The following PTGER4 variants were observed in gnomAD, a reference collection of about 807,000 sequenced individuals.
PTGER4 encodes the protein prostaglandin E receptor 4.
PTGER4 carries 11 observed loss-of-function variants against 33.2 expected under a neutral mutation model. That is an observed-to-expected ratio of 0.33 (90% CI 0.21 to 0.55). The LOEUF (loss-of-function observed/expected upper bound fraction) is 0.55, where lower values mean the gene tolerates loss of function less well. PTGER4 is among the 20% of genes least tolerant of loss of function. The pLI is 0.92. For synonymous variants in PTGER4, 275 were observed against 281.5 expected, an observed-to-expected ratio of 0.98 and a Z score of 0.23; for missense variants, 481 against 650.2, an observed-to-expected ratio of 0.74 and a Z score of 2.83.
chr5:40,704,920 A>G, the PTGER4 span, among the ~76,000 whole-genome samples: 8 of 152,294 alleles, frequency 5.3e-5, no homozygotes, highest in African/African-American at 1.9e-4. Flanking sequence ...TACAGATTCA[A>G]TGCTATTCCT....
the PTGER4 span, among the ~76,000 whole-genome samples, chr5:40,726,160 T>TAC: frequency 5.4e-5 from 8 of 148,170 alleles, no homozygotes; most frequent in South Asian, 2.1e-4. Flanking sequence ...TATATATATA[T>TAC]ACACACACAC....
At chr5:40,689,238 A>G (rs949350696) in intron 2 of PTGER4, among the ~76,000 whole-genome samples, 2 of 152,216 alleles carry the variant, frequency 1.3e-5, no homozygotes, top group African/African-American at 4.8e-5. Context: ...ACAAGTGAAT[A>G]ACAACAAAAC....
chr5:40,742,678 T>A, the PTGER4 span, among the ~76,000 whole-genome samples: 629 of 152,206 alleles, frequency 4.1e-3, 3 homozygotes, highest in African/African-American at 0.015. Context: ...GCCATCCTTG[T>A]GAGATTAAAA....
the PTGER4 span, among the ~76,000 whole-genome samples, chr5:40,736,328 C>A: frequency 1.3e-5 from 2 of 152,158 alleles, no homozygotes; most frequent in Non-Finnish European, 2.9e-5. Context: ...GGTCACACAG[C>A]AAGATCACCC....
At chr5:40,700,934 C>G in the PTGER4 span, among the ~76,000 whole-genome samples, 1 of 152,324 alleles carries the variant, frequency 6.6e-6, no homozygotes, top group South Asian at 2.1e-4. Flanking sequence ...ACCTCACTAA[C>G]ATACCCTGAC....
At chr5:40,738,499 CAATACAATAA>C in the PTGER4 span, among the ~76,000 whole-genome samples, 13 of 80,848 alleles carry the variant, frequency 1.6e-4, no homozygotes, top group African/African-American at 2.9e-4. Flanking sequence ...CAATACAATA[CAATACAATAA>C]AATACAATAA....
rs1030324922 is a variant in PTGER4 at position 40,683,463 on chromosome 5, A to G, written c.867+1603A>G. On this transcript the variant is annotated intron_variant, in intron 2 of 2. Coordinates refer to ENST00000302472, the MANE Select transcript of PTGER4 (RefSeq NM_000958.3). The surrounding 1 kb of genome is among the most constrained non-coding windows in gnomAD (Gnocchi z 4.2). ...AACCTAGAATAAAGTGAGATTTTGGAAGAAACAACACTGCTCCTGATGGGG... is the reference window on the plus strand; with the variant it reads ...AACCTAGAATAAAGTGAGATTTTGGGAGAAACAACACTGCTCCTGATGGGG... Among the ~76,000 whole-genome samples the G allele has an allele frequency of 3.3e-5, 5 of 152,192 alleles. No individual in the cohort carries two copies. Among genetic ancestry groups the G allele is most frequent in the Non-Finnish European group, 2.9e-5 (2 of 68,036 alleles).
intron 2 of PTGER4, among the ~76,000 whole-genome samples, chr5:40,686,786 A>T (rs569753139): frequency 6.6e-6 from 1 of 152,334 alleles, no homozygotes; most frequent in South Asian, 2.1e-4. Context: ...TGGTCCCAGC[A>T]ACTTGGAAGG....
chr5:40,703,291 T>G, the PTGER4 span, among the ~76,000 whole-genome samples: 1 of 150,974 alleles, frequency 6.6e-6, no homozygotes, highest in Non-Finnish European at 1.5e-5. Flanking sequence ...TAAACACAAT[T>G]AGAAATGATG....
intron 2 of PTGER4, among the ~76,000 whole-genome samples, chr5:40,688,813 C>T (rs1046462275): frequency 6.6e-6 from 1 of 152,030 alleles, no homozygotes; most frequent in Non-Finnish European, 1.5e-5. Flanking sequence ...TTTATCCCAG[C>T]GTAGTTTCTA....
Position 40,681,194 on chromosome 5 carries a change from G to A in PTGER4, c.201G>A (p.Leu67=), listed in dbSNP as rs924987100. The change falls in exon 2 of 3, where the codon TTG becomes TTA. Residue 67 remains leucine (L), a synonymous_variant. Transcript: ENST00000302472. The surrounding 1 kb of genome is among the most constrained non-coding windows in gnomAD (Gnocchi z 9.8). ...GTGGGCTGGCTGTCACCGACCTGTT[G>A]GGCACTTTGTTGGTGAGCCCGGTGA... is the stretch of plus-strand genomic sequence containing the variant. ...LVCGLAVTDL[L]GTLLVSPVTI... is the part of the protein sequence containing the mutation. 2.5e-6 allele frequency: 4 copies of A among 1,614,152 alleles called. No homozygotes were observed. The highest frequency in any genetic ancestry group is 3.4e-6 in the Non-Finnish European group (4 of 1,180,042).
At chr5:40,690,963 A>G (rs747465002) in intron 2 of PTGER4, among the ~76,000 whole-genome samples, 3 of 152,270 alleles carry the variant, frequency 2.0e-5, no homozygotes, top group Non-Finnish European at 4.4e-5. Flanking sequence ...TTACAAAAAT[A>G]TTAAAGCTAT....
At chr5:40,684,795 C>G (rs1741286414) in intron 2 of PTGER4, among the ~76,000 whole-genome samples, 1 of 151,970 alleles carries the variant, frequency 6.6e-6, no homozygotes, top group Admixed American at 6.6e-5. Flanking sequence ...GTCATTTTGT[C>G]CATTCTTCTA....
chr5:40,684,873 G>T (rs1239051468), intron 2 of PTGER4, among the ~76,000 whole-genome samples: 1 of 152,050 alleles, frequency 6.6e-6, no homozygotes, highest in African/African-American at 2.4e-5. Flanking sequence ...CTAAAATTTT[G>T]TGAGAACAAG....
the PTGER4 span, among the ~76,000 whole-genome samples, chr5:40,699,271 T>C: frequency 4.6e-5 from 7 of 151,990 alleles, no homozygotes; most frequent in African/African-American, 1.7e-4. Flanking sequence ...ATTAATGGAC[T>C]TTTTTGGATC....
the PTGER4 span, among the ~76,000 whole-genome samples, chr5:40,703,652 C>G: frequency 6.6e-6 from 1 of 151,822 alleles, no homozygotes; most frequent in Non-Finnish European, 1.5e-5. Context: ...CGCCTGTAAT[C>G]CCAGCACTTT....
In PTGER4 at chr5:40,679,925, G is replaced by A. The variant is rs1276661847; in HGVS notation, c.-597G>A. The A allele has an allele frequency of 6.5e-6, 1 of 152,674 alleles. No individual in the cohort carries two copies. Among genetic ancestry groups the A allele is most frequent in the Non-Finnish European group, 1.5e-5 (1 of 68,306 alleles). 9.5% of individuals were successfully genotyped at this position (152,674 alleles called of 1,614,324 possible). On this transcript the variant is annotated 5_prime_UTR_variant, in exon 1 of 3. Transcript: ENST00000302472. ...AGGAGAAAAGTTTGTACAGAGGGTG[G>A]AAAGGCGAGAGCGGAGCTCCAAGCC...
Position 40,691,662 on chromosome 5 carries a change from G to A in PTGER4, c.868-117G>A. The A allele has an allele frequency of 1.4e-6, 2 of 1,379,552 alleles. No individual in the cohort carries two copies. The highest frequency in any genetic ancestry group is 1.5e-5 in the South Asian group (1 of 68,446). 85.5% of individuals were successfully genotyped at this position (1,379,552 alleles called of 1,614,324 possible). Reference sequence around the variant, plus strand: ...TTATTATGTAGCTTCCTCTTTTCCTGGAACTTGTTACCAGAAATGAAGGCA... The same window carrying A: ...TTATTATGTAGCTTCCTCTTTTCCTAGAACTTGTTACCAGAAATGAAGGCA... On this transcript the variant is annotated intron_variant, in intron 2 of 2. Transcript: ENST00000302472. The surrounding 1 kb of genome is among the most constrained non-coding windows in gnomAD (Gnocchi z 4.2).
the PTGER4 span, among the ~76,000 whole-genome samples, chr5:40,745,301 T>C: frequency 7.2e-5 from 8 of 111,336 alleles, no homozygotes; most frequent in African/African-American, 2.9e-4. Context: ...ATAAAAGATA[T>C]GTTAGGTAAG....
Sources: gnomAD v4.1 joint callset for allele counts (sites outside exome capture counted in the v4.1 genomes callset) on GRCh38, gnomAD v4.1.1 for gene constraint, Gnocchi (gnomAD v3.1) non-coding constraint, MANE v1.5 for transcripts, NCBI Gene and HGNC (gene_info 2026-07-23, HGNC 2026-07-21) for gene names.